COPS3: variants seen among roughly 807,000 people sequenced by gnomAD.
COPS3 encodes the protein COP9 signalosome subunit 3.
COPS3 carries 10 observed loss-of-function variants against 58.2 expected under a neutral mutation model. The ratio of observed to expected loss-of-function variants is 0.17; its 90% CI spans 0.11 to 0.29. The LOEUF (loss-of-function observed/expected upper bound fraction) is 0.29. COPS3 is among the 10% of genes least tolerant of loss of function. COPS3 has a pLI of 1.00. For missense variants in COPS3, 333 were observed against 510.1 expected (o/e 0.65, Z 3.34); for synonymous variants, 187 against 181.7 (o/e 1.03, Z -0.24).
intron 7 of COPS3, chr17:17,260,772 C>A (rs11078379): frequency 0.026 from 4,364 of 170,278 alleles, 207 homozygotes; most frequent in African/African-American, 0.1. Flanking sequence ...CACTGCACTC[C>A]AGCCTGGGCA....
chr17:17,280,491 C>T, intron 1 of COPS3: 1 of 1,091,590 alleles, frequency 9.2e-7, no homozygotes, highest in Non-Finnish European at 1.2e-6. Context: ...AGCCGGGAGG[C>T]TGAGGTTGCA....
chr17:17,252,583 C>CA (rs1386982768), intron 9 of COPS3, among the ~76,000 whole-genome samples: 1 of 152,222 alleles, frequency 6.6e-6, no homozygotes, highest in African/African-American at 2.4e-5. Flanking sequence ...TCCTGGCAGA[C>CA]AAAATCACCC....
intron 5 of COPS3, among the ~76,000 whole-genome samples, chr17:17,266,420 T>C (rs1392534726): frequency 2.0e-5 from 3 of 152,092 alleles, no homozygotes; most frequent in African/African-American, 7.2e-5. Context: ...AGAGAAGAAA[T>C]AGATGGCTAG....
rs34755381 is a variant in COPS3 at position 17,263,510 on chromosome 17, C to CTTT, written c.621+1289_621+1291dup. On this transcript the variant is annotated intron_variant, in intron 6 of 11. Coordinates refer to ENST00000268717, the MANE Select transcript of COPS3 (RefSeq NM_003653.4). ...CACCTCACCCAGCCTCTTGCCTTTT[C>CTTT]TTTTTTTTTTTTTTTTTTTTGAGAT... 1.2e-3 allele frequency among the ~76,000 whole-genome samples: 121 copies of CTTT among 98,874 alleles called. 2 individuals carry two copies. The highest frequency in any genetic ancestry group is 4.7e-3 in the African/African-American group (116 of 24,508). 64.9% of individuals were successfully genotyped at this position (98,874 alleles called of 152,430 possible). A position where few individuals can be genotyped will look rare whatever the true frequency, so the allele number is the denominator to read the frequency against.
chr17:17,252,242 T>TA (rs2047863507), intron 9 of COPS3, among the ~76,000 whole-genome samples: 1 of 152,070 alleles, frequency 6.6e-6, no homozygotes, highest in East Asian at 1.9e-4. Context: ...ATGTTTACTT[T>TA]AAAAAACAAA....
At chr17:17,264,758 C>T in intron 6 of COPS3, 44 bp downstream of exon 6, 1 of 1,539,710 alleles carries the variant, frequency 6.5e-7, no homozygotes, top group Non-Finnish European at 8.8e-7. Flanking sequence ...CTTTTTTGAT[C>T]ACACAAGTTC....
intron 9 of COPS3, among the ~76,000 whole-genome samples, chr17:17,252,853 G>C (rs1176910306): frequency 6.6e-6 from 1 of 152,150 alleles, no homozygotes; most frequent in African/African-American, 2.4e-5. Flanking sequence ...GTATGGTTTT[G>C]TTTGGTGTGT....
chr17:17,247,335 C>A, intron 11 of COPS3, 145 bp downstream of exon 11: 1 of 933,756 alleles, frequency 1.1e-6, no homozygotes, highest in Non-Finnish European at 1.7e-6. Context: ...TTTGAAAATG[C>A]TCTCAACTAG....
At chr17:17,273,661 G>T (rs2048398717) in intron 2 of COPS3, among the ~76,000 whole-genome samples, 1 of 152,126 alleles carries the variant, frequency 6.6e-6, no homozygotes, top group African/African-American at 2.4e-5. Flanking sequence ...GACCAGCCTG[G>T]GAAACGTGAT....
rs183816637 is a variant in COPS3 at position 17,252,678 on chromosome 17, G to A, written c.1023+2181C>T. 1.6e-3 allele frequency among the ~76,000 whole-genome samples: 250 copies of A among 152,314 alleles called. 9 individuals carry two copies. In the South Asian group the frequency reaches 0.05, roughly 30 times the overall value. ...CAAAACTCACACCCACTTTGACCCC[G>A]CAACGCGTTGCTAGCTAGTATGTCC... On this transcript the variant is annotated intron_variant, in intron 9 of 11. Coordinates refer to ENST00000268717, the MANE Select transcript of COPS3 (RefSeq NM_003653.4).
chr17:17,277,051 G>A (rs2048475387), intron 1 of COPS3, among the ~76,000 whole-genome samples: 3 of 151,932 alleles, frequency 2.0e-5, no homozygotes, highest in Non-Finnish European at 2.9e-5. Flanking sequence ...CCTACTCTTC[G>A]ATCACAGCAA....
intron 5 of COPS3, among the ~76,000 whole-genome samples, chr17:17,266,495 G>A (rs1215113283): frequency 6.6e-6 from 1 of 151,910 alleles, no homozygotes; most frequent in Non-Finnish European, 1.5e-5. Flanking sequence ...TTTGAACATC[G>A]CAAAATAAGA....
intron 4 of COPS3, among the ~76,000 whole-genome samples, chr17:17,269,282 G>A (rs754178568): frequency 1.3e-5 from 2 of 152,138 alleles, no homozygotes; most frequent in Non-Finnish European, 2.9e-5. Flanking sequence ...AAAATTAGCC[G>A]GGCATGGTGT....
At chr17:17,270,008 T>C (rs1299581180) in intron 4 of COPS3, among the ~76,000 whole-genome samples, 1 of 151,982 alleles carries the variant, frequency 6.6e-6, no homozygotes, top group East Asian at 1.9e-4. Context: ...TACAAAAAAT[T>C]AGCTGGGCGT....
chr17:17,259,121 T>C (rs1025130318), intron 8 of COPS3, among the ~76,000 whole-genome samples: 4 of 152,156 alleles, frequency 2.6e-5, no homozygotes, highest in Non-Finnish European at 4.4e-5. Flanking sequence ...CATCAGCCTT[T>C]TCCATTGCTG....
intron 10 of COPS3, among the ~76,000 whole-genome samples, chr17:17,248,109 T>G (rs2047762069): frequency 6.6e-6 from 1 of 152,134 alleles, no homozygotes; most frequent in African/African-American, 2.4e-5. Context: ...CGACTCTGCT[T>G]CTCACATAGG....
At chr17:17,267,285 C>T (rs2048245001) in intron 5 of COPS3, among the ~76,000 whole-genome samples, 1 of 143,192 alleles carries the variant, frequency 7.0e-6, no homozygotes, top group Non-Finnish European at 1.5e-5. Flanking sequence ...TTGCAGTGAG[C>T]TGAGATGGCG....
intron 9 of COPS3, among the ~76,000 whole-genome samples, chr17:17,250,924 A>G (rs1301652537): frequency 6.6e-6 from 1 of 152,218 alleles, no homozygotes; most frequent in Non-Finnish European, 1.5e-5. Flanking sequence ...ATTTGGACCT[A>G]CCTTCACCAC....
rs201532534 is a variant in COPS3 at position 17,268,848 on chromosome 17, A to AAC, written c.349-872_349-871insGT. Reference sequence around the variant, plus strand: ...AAACAACAACAACAACAACAACAACAAAAATATATATATATATATGTGAAG... The same window carrying AAC: ...AAACAACAACAACAACAACAACAACAACAAAATATATATATATATATGTGAAG... On this transcript the variant is annotated intron_variant, in intron 4 of 11. Coordinates refer to ENST00000268717, the MANE Select transcript of COPS3 (RefSeq NM_003653.4). 5.2e-3 allele frequency among the ~76,000 whole-genome samples: 388 copies of AAC among 74,778 alleles called. 1 individual carries two copies. The highest frequency in any genetic ancestry group is 0.033 in the Middle Eastern group (5 of 150). The allele number at this position is 74,778 out of a possible 152,430, so 49.1% of individuals were successfully genotyped here.
Sources: gnomAD v4.1 joint callset for allele counts (sites outside exome capture counted in the v4.1 genomes callset) on GRCh38, gnomAD v4.1.1 for gene constraint, MANE v1.5 for transcripts, NCBI Gene and HGNC (gene_info 2026-07-23, HGNC 2026-07-21) for gene names.